Variants in MEDAG observed in about 807,000 individuals in gnomAD.
The protein encoded by MEDAG is mesenteric estrogen-dependent adipogenesis protein.
A neutral mutation model predicts 29.9 loss-of-function variants in MEDAG; 25 were observed. The observed-to-expected ratio is 0.84, with a 90% CI of 0.61 to 1.17. MEDAG has a LOEUF of 1.17. MEDAG is among the 50% of genes most tolerant of loss of function. The pLI, the probability that MEDAG is intolerant of heterozygous loss-of-function variation, is 0.00. For missense variants in MEDAG, 398 were observed against 372.9 expected, an observed-to-expected ratio of 1.07 and a Z score of -0.56; for synonymous variants, 158 against 148.2, an observed-to-expected ratio of 1.07 and a Z score of -0.48.
chr13:30,913,495 A>G (rs1365944088), intron 1 of MEDAG, among the ~76,000 whole-genome samples: 2 of 152,050 alleles, frequency 1.3e-5, no homozygotes, highest in Non-Finnish European at 2.9e-5. Flanking sequence ...GACCTCCCAA[A>G]GTGCTGGGAT....
chr13:30,919,467 A>G (rs1200683549), intron 2 of MEDAG, among the ~76,000 whole-genome samples: 2 of 152,224 alleles, frequency 1.3e-5, no homozygotes, highest in Admixed American at 6.5e-5. Context: ...GGCCATGAGT[A>G]TATAATGACC....
intron 2 of MEDAG, among the ~76,000 whole-genome samples, chr13:30,917,991 A>T (rs1952946040): frequency 6.6e-6 from 1 of 152,136 alleles, no homozygotes; most frequent in Admixed American, 6.5e-5. Flanking sequence ...TCAGCTTGTG[A>T]CAAGGTAGAC....
rs756415719 is a variant in MEDAG at position 30,906,728 on chromosome 13, C to T, written c.213C>T (p.Asn71=). 5 of 1,516,862 alleles carry T rather than the reference C, an allele frequency of 3.3e-6. No individual in the cohort carries two copies. In the South Asian group the frequency reaches 6.3e-5, roughly 19 times the overall value. The allele number at this position is 1,516,862 out of a possible 1,614,324, so 94.0% of individuals were successfully genotyped here. A position where few individuals can be genotyped will look rare whatever the true frequency, so the allele number is the denominator to read the frequency against. Residue 71 remains asparagine (N), a synonymous_variant, in exon 1 of 5, where the codon AAC becomes AAT. Transcript: ENST00000380482. ...CGGCGGCGGCGCGGGGGGGCTTCAA[C>T]GTCTTCGGTGACGGCCTCGTGCGCC... The part of the protein sequence containing the change: ...GEPAAARGGF[N]VFGDGLVRLD...
At chr13:30,919,147 A>G (rs1210107309) in intron 2 of MEDAG, among the ~76,000 whole-genome samples, 1 of 151,814 alleles carries the variant, frequency 6.6e-6, no homozygotes, top group Non-Finnish European at 1.5e-5. Context: ...AATTGCCACA[A>G]CAGAAATCCA....
intron 1 of MEDAG, chr13:30,916,542 G>A (rs1055585065): frequency 7.9e-5 from 12 of 152,288 alleles, no homozygotes; most frequent in African/African-American, 2.9e-4. Context: ...CAGAGAGACT[G>A]CGGCAGACGC....
chr13:30,913,372 C>T (rs1210879605), intron 1 of MEDAG, among the ~76,000 whole-genome samples: 42 of 152,268 alleles, frequency 2.8e-4, no homozygotes, highest in East Asian at 5.8e-4. Context: ...TGCACCACCA[C>T]ACCTGGCTAA....
chr13:30,914,836 G>A (rs971686350), intron 1 of MEDAG, among the ~76,000 whole-genome samples: 7 of 152,196 alleles, frequency 4.6e-5, no homozygotes, highest in African/African-American at 1.7e-4. Flanking sequence ...ATCAGAAAAG[G>A]CATCAAAACT....
At chr13:30,908,694 C>T (rs1319694804) in intron 1 of MEDAG, 1 of 149,444 alleles carries the variant, frequency 6.7e-6, no homozygotes, top group Non-Finnish European at 1.5e-5. Context: ...CCCTCCCCTC[C>T]CTCCCTCCCC....
chr13:30,923,318 T>C (rs931302641), intron 4 of MEDAG, among the ~76,000 whole-genome samples: 17 of 152,040 alleles, frequency 1.1e-4, no homozygotes, highest in Non-Finnish European at 5.9e-5. Flanking sequence ...TCCTCCCTCC[T>C]TCCCTCCTTC....
At position 30,921,132 on chromosome 13, in the gene MEDAG, C is replaced by G. The variant is rs766393969; in HGVS notation, c.501+6C>G. On this transcript the variant is annotated splice_donor_region_variant and intron_variant, in intron 3 of 4. Coordinates refer to ENST00000380482, the MANE Select transcript of MEDAG (RefSeq NM_032849.4). The stretch of plus-strand genomic sequence containing the variant: ...GAGAAAGTTACCGGCTTCAGGTAAG[C>G]CTAGCCTGTCTGAATCCAGGGCTGT... The G allele has an allele frequency of 1.9e-6, 3 of 1,606,806 alleles. No individual in the cohort carries two copies.
Position 30,917,463 on chromosome 13 carries a change from A to C in MEDAG, c.339A>C (p.Lys113Asn). 6.2e-7 allele frequency: 1 copy of C among 1,612,328 alleles called. No individual in the cohort carries two copies. The highest frequency in any genetic ancestry group is 8.5e-7 in the Non-Finnish European group (1 of 1,178,334). Residue 113 changes from lysine to asparagine, a missense_variant, in exon 2 of 5, where the codon AAA (lysine) becomes AAC (asparagine). Physicochemically the swap from Lys to Asn is moderately conservative, Grantham distance 94. Transcript: ENST00000380482. ...ACTACAGGGAAACTATATTGAGCAA[A>C]CCAATGTTGTTCTTTATTAATGTAC... ...YKDYRETILSKPMLFFINVQT... is the reference protein window; with the variant it reads ...YKDYRETILSNPMLFFINVQT...
At chr13:30,912,625 A>C (rs74043595) in intron 1 of MEDAG, among the ~76,000 whole-genome samples, 60 of 152,268 alleles carry the variant, frequency 3.9e-4, no homozygotes, top group African/African-American at 1.4e-3. Context: ...GGCAGCTTTG[A>C]AAGTTGGGTG....
At chr13:30,913,996 T>A (rs1344625393) in intron 1 of MEDAG, among the ~76,000 whole-genome samples, 1 of 152,092 alleles carries the variant, frequency 6.6e-6, no homozygotes, top group Non-Finnish European at 1.5e-5. Flanking sequence ...GAGCCAAGAC[T>A]GTGCCAGTGC....
At position 30,909,464 on chromosome 13, in the gene MEDAG, G is replaced by A. The variant is rs111713215; in HGVS notation, c.278+2671G>A. 7.6e-3 allele frequency among the ~76,000 whole-genome samples: 1,160 copies of A among 152,160 alleles called. 10 individuals are homozygous for A. The highest frequency in any genetic ancestry group is 0.027 in the African/African-American group (1,101 of 41,480). On this transcript the variant is annotated intron_variant, in intron 1 of 4. Transcript: ENST00000380482. ...ATATTCTGGCCTTGGATGTGGGATG[G>A]CCTCTAACCAAAAGCAGCCACCAAG...
intron 1 of MEDAG, among the ~76,000 whole-genome samples, chr13:30,913,637 A>G (rs1001690544): frequency 2.6e-5 from 4 of 152,226 alleles, no homozygotes; most frequent in Non-Finnish European, 4.4e-5. Flanking sequence ...ATTTTAAAGA[A>G]ACTGTCTATC....
At chr13:30,919,399 AGCCTC>A (rs66786190) in intron 2 of MEDAG, among the ~76,000 whole-genome samples, 28,193 of 152,122 alleles carry the variant, frequency 0.19, 2,714 homozygotes, top group East Asian at 0.38. Flanking sequence ...TGTGAATGAC[AGCCTC>A]TAGAGTTAGG....
At chr13:30,907,702 G>A (rs1175453720) in intron 1 of MEDAG, among the ~76,000 whole-genome samples, 1 of 152,238 alleles carries the variant, frequency 6.6e-6, no homozygotes, top group Non-Finnish European at 1.5e-5. Context: ...AGGCAAGCAT[G>A]GTCTAGAGTT....
In MEDAG at chr13:30,906,689, C is replaced by A; in HGVS notation, c.174C>A (p.Ala58=). Residue 58 remains alanine (A), a synonymous_variant, in exon 1 of 5, where the codon GCC becomes GCA. Coordinates refer to ENST00000380482, the MANE Select transcript of MEDAG (RefSeq NM_032849.4). ...FQLSGDQLVV[A]RPGEPAAARG... is the part of the protein sequence containing the mutation. Reference sequence around the variant, plus strand: ...TGAGCGGCGACCAGCTCGTGGTGGCCAGGCCCGGGGAGCCGGCGGCGGCGC... The same window carrying A: ...TGAGCGGCGACCAGCTCGTGGTGGCAAGGCCCGGGGAGCCGGCGGCGGCGC... 1 of 1,535,486 alleles carries A rather than the reference C, an allele frequency of 6.5e-7. No individual in the cohort carries two copies. Among genetic ancestry groups the A allele is most frequent in the South Asian group, 1.2e-5 (1 of 83,088 alleles).
chr13:30,906,330 C>T lies in MEDAG; in HGVS notation c.-186C>T. ...GAGTGGCAGCTTGGGAGGGGCCGCC[C>T]GGGCGGTCAGACTGGCACCTGAGCG... On this transcript the variant is annotated 5_prime_UTR_variant, in exon 1 of 5. Coordinates refer to ENST00000380482, the MANE Select transcript of MEDAG (RefSeq NM_032849.4). The T allele has an allele frequency of 6.1e-6, 3 of 489,022 alleles. No individual in the cohort carries two copies. Among genetic ancestry groups the T allele is most frequent in the Non-Finnish European group, 9.8e-6 (3 of 305,510 alleles). 30.3% of individuals were successfully genotyped at this position (489,022 alleles called of 1,614,324 possible).
Sources: allele counts gnomAD v4.1 joint callset (sites outside exome capture counted in the v4.1 genomes callset), GRCh38; gene constraint gnomAD v4.1.1; transcripts MANE v1.5; gene names NCBI Gene and HGNC (gene_info 2026-07-23, HGNC 2026-07-21).